Variants in CXCR2 observed in about 807,000 individuals in gnomAD.
CXCR2 encodes C-X-C motif chemokine receptor 2, also known as C-X-C chemokine receptor type 2.
CXCR2 carries 2 observed loss-of-function variants against 3.7 expected under a neutral mutation model. The observed-to-expected ratio is 0.55, with a 90% CI of 0.22 to 1.72. The LOEUF (loss-of-function observed/expected upper bound fraction) is 1.72, where lower values mean the gene tolerates loss of function less well. Ranked by LOEUF, CXCR2 falls within the 40% of genes most tolerant of loss-of-function variation. CXCR2 has a pLI of 0.19. For missense variants in CXCR2, 351 were observed against 450.1 expected, an observed-to-expected ratio of 0.78 and a Z score of 1.99; for synonymous variants, 203 against 193.3, an observed-to-expected ratio of 1.05 and a Z score of -0.41.
chr2:218,129,784 G>A (rs1690599396), intron 2 of CXCR2, among the ~76,000 whole-genome samples: 1 of 152,194 alleles, frequency 6.6e-6, no homozygotes, highest in Admixed American at 6.5e-5. Flanking sequence ...CTCTTTTGTT[G>A]TTAAAAAGAT....
chr2:218,126,851 G>A (rs967912005), intron 1 of CXCR2, among the ~76,000 whole-genome samples: 5 of 150,868 alleles, frequency 3.3e-5, no homozygotes, highest in Admixed American at 6.6e-5. Flanking sequence ...TTTTGTTTTT[G>A]TTTTTGTAAA....
At chr2:218,128,227 T>C (rs1690555790) in intron 1 of CXCR2, among the ~76,000 whole-genome samples, 1 of 152,244 alleles carries the variant, frequency 6.6e-6, no homozygotes, top group Non-Finnish European at 1.5e-5. Context: ...AATAAGCCTC[T>C]ATCTGGTTTT....
At chr2:218,128,401 CT>C (rs1224901414) in intron 1 of CXCR2, among the ~76,000 whole-genome samples, 9 of 152,128 alleles carry the variant, frequency 5.9e-5, no homozygotes, top group Admixed American at 3.9e-4. Flanking sequence ...CCTCTGGGCC[CT>C]GGGATGCATG....
chr2:218,133,715 G>A (rs1166235335), intron 2 of CXCR2, among the ~76,000 whole-genome samples: 1 of 152,224 alleles, frequency 6.6e-6, no homozygotes, highest in Non-Finnish European at 1.5e-5. Flanking sequence ...AGAGGAACAG[G>A]GGAGTCAAGG....
intron 2 of CXCR2, among the ~76,000 whole-genome samples, chr2:218,132,839 T>A (rs1049347624): frequency 6.6e-6 from 1 of 152,220 alleles, no homozygotes; most frequent in African/African-American, 2.4e-5. Context: ...TTTTTGGCCT[T>A]AATGATGAAT....
chr2:218,136,517 G>A lies in CXCR2; in HGVS notation c.*633G>A, dbSNP rs1237707164. 1 of 167,108 alleles carries A rather than the reference G, an allele frequency of 6.0e-6. No homozygotes were observed. Among genetic ancestry groups the A allele is most frequent in the Non-Finnish European group, 1.5e-5 (1 of 68,144 alleles). 10.4% of individuals were successfully genotyped at this position (167,108 alleles called of 1,614,324 possible). On this transcript the variant is annotated 3_prime_UTR_variant, in exon 3 of 3. Transcript: ENST00000318507. ...AATGGTGTGACCACTGCAGAAGACA[G>A]TATGGCAGCTTTCCTCAAAACTTCA...
At position 218,135,873 on chromosome 2, in the gene CXCR2, A is replaced by G. The variant is rs761905800; in HGVS notation, c.1072A>G (p.Thr358Ala). 5 of 1,610,034 alleles carry G rather than the reference A, an allele frequency of 3.1e-6. No homozygotes were observed. The South Asian group carries it at 4.4e-5, about 14-fold the overall frequency. The change falls in exon 3 of 3, where the codon ACT becomes GCT. Residue 358 changes from threonine (T) to alanine (A), a missense_variant. By Grantham distance (58) the Thr-to-Ala change is moderately conservative. Coordinates refer to ENST00000318507, the MANE Select transcript of CXCR2 (RefSeq NM_001557.4). This position sits in a 1 kb window ranked among gnomAD's most constrained non-coding sequence, Gnocchi z 4.0. ...TGGCTCTTCTTCAGGGCACACTTCC[A>G]CTACTCTCTAAGACCTCCTGCCTAA... ...FVGSSSGHTS[T>A]TL
chr2:218,134,382 A>G (rs1056422814), intron 2 of CXCR2, among the ~76,000 whole-genome samples: 6 of 152,182 alleles, frequency 3.9e-5, no homozygotes, highest in African/African-American at 1.4e-4. Context: ...CAAAAAAAAA[A>G]GAACTGAGTG....
chr2:218,135,374 T>C lies in CXCR2; in HGVS notation c.573T>C (p.Asn191=), dbSNP rs757932890. The part of the protein sequence containing the change: ...LLFRRTVYSS[N]VSPACYEDMG... ...TCCGAAGGACCGTCTACTCATCCAATGTTAGCCCAGCCTGCTATGAGGACA... is the reference window on the plus strand; with the variant it reads ...TCCGAAGGACCGTCTACTCATCCAACGTTAGCCCAGCCTGCTATGAGGACA... Residue 191 remains asparagine, a synonymous_variant, in exon 3 of 3, where the codon AAT becomes AAC. Coordinates refer to ENST00000318507, the MANE Select transcript of CXCR2 (RefSeq NM_001557.4). The surrounding 1 kb of genome is among the most constrained non-coding windows in gnomAD (Gnocchi z 4.0). 2.5e-6 allele frequency: 4 copies of C among 1,614,074 alleles called. No individual in the cohort carries two copies. Among genetic ancestry groups the C allele is most frequent in the East Asian group, 4.5e-5 (2 of 44,894 alleles).
rs1181718991 is a variant in CXCR2 at position 218,135,605 on chromosome 2, C to T, written c.804C>T (p.Asn268=). 3.1e-6 allele frequency: 5 copies of T among 1,614,048 alleles called. No homozygotes were observed. The highest frequency in any genetic ancestry group is 4.2e-6 in the Non-Finnish European group (5 of 1,180,042). ...TCCTGCTCTGCTGGCTGCCCTACAACCTGGTCCTGCTGGCAGACACCCTCA... is the reference window on the plus strand; with the variant it reads ...TCCTGCTCTGCTGGCTGCCCTACAATCTGGTCCTGCTGGCAGACACCCTCA... ...LIFLLCWLPY[N]LVLLADTLMR... Residue 268 remains asparagine, a synonymous_variant, in exon 3 of 3, where the codon AAC becomes AAT. Transcript: ENST00000318507. The surrounding 1 kb of genome is among the most constrained non-coding windows in gnomAD (Gnocchi z 4.0).
chr2:218,130,824 C>T (rs968952001), intron 2 of CXCR2: 4 of 152,390 alleles, frequency 2.6e-5, no homozygotes, highest in Non-Finnish European at 4.4e-5. Context: ...CCTCTCCCTA[C>T]CCTAGGAGCT....
chr2:218,134,655 A>AG (rs1178854475), intron 2 of CXCR2, 122 bp from the exon 3 acceptor site: 1 of 920,522 alleles, frequency 1.1e-6, no homozygotes, highest in East Asian at 2.6e-5. Context: ...ACAAATTTGA[A>AG]GGGAAAAATT....
At chr2:218,132,050 G>A (rs1690659793) in intron 2 of CXCR2, among the ~76,000 whole-genome samples, 1 of 151,914 alleles carries the variant, frequency 6.6e-6, no homozygotes, top group Admixed American at 6.6e-5. Context: ...TGGGACTTTT[G>A]TTGTTATTTT....
chr2:218,128,964 G>C (rs1253935298), intron 1 of CXCR2, among the ~76,000 whole-genome samples: 1 of 152,228 alleles, frequency 6.6e-6, no homozygotes, highest in South Asian at 2.1e-4. Context: ...GCCTGAGGCA[G>C]CTGGAATGCC....
At chr2:218,128,260 TTGCA>T (rs1690556622) in intron 1 of CXCR2, among the ~76,000 whole-genome samples, 1 of 152,204 alleles carries the variant, frequency 6.6e-6, no homozygotes, top group Admixed American at 6.5e-5. Flanking sequence ...CCAGGTGGCA[TTGCA>T]TTCTTCCCCA....
At chr2:218,128,593 A>G (rs1415868190) in intron 1 of CXCR2, among the ~76,000 whole-genome samples, 1 of 152,232 alleles carries the variant, frequency 6.6e-6, no homozygotes, top group Non-Finnish European at 1.5e-5. Context: ...TTAAAAATGC[A>G]TTTGGACTTT....
intron 1 of CXCR2, among the ~76,000 whole-genome samples, chr2:218,126,695 C>A (rs2106097168): frequency 6.6e-6 from 1 of 152,106 alleles, no homozygotes; most frequent in East Asian, 1.9e-4. Flanking sequence ...AATGCCCAGG[C>A]TGGAGTGCTG....
Position 218,136,044 on chromosome 2 carries a change from C to A in CXCR2, c.*160C>A. The A allele has an allele frequency of 1.0e-6, 1 of 983,200 alleles. No homozygotes were observed. The highest frequency in any genetic ancestry group is 1.5e-6 in the Non-Finnish European group (1 of 659,320). The allele number at this position is 983,200 out of a possible 1,614,324, so 60.9% of individuals were successfully genotyped here. On this transcript the variant is annotated 3_prime_UTR_variant, in exon 3 of 3. Coordinates refer to ENST00000318507, the MANE Select transcript of CXCR2 (RefSeq NM_001557.4). ...GCCACGTTCTTACTAGTTTCCCTTG[C>A]ATGGTTTAGAAAGCTTGCCCTGGTG... is the stretch of plus-strand genomic sequence containing the variant.
At position 218,137,149 on chromosome 2, in the gene CXCR2, C is replaced by T. The variant is rs199647047; in HGVS notation, c.*1265C>T. 5 of 166,866 alleles carry T rather than the reference C, an allele frequency of 3.0e-5. No individual in the cohort carries two copies. Among genetic ancestry groups the T allele is most frequent in the Non-Finnish European group, 7.3e-5 (5 of 68,066 alleles). 10.3% of individuals were successfully genotyped at this position (166,866 alleles called of 1,614,324 possible). On this transcript the variant is annotated 3_prime_UTR_variant, in exon 3 of 3. Transcript: ENST00000318507. ...GAGCCCCAAAAGGTATTTTAATCAC[C>T]AAGGCTGATTAAACCAAGGCTAGAA...
Sources: gnomAD v4.1 joint callset for allele counts (sites outside exome capture counted in the v4.1 genomes callset) on GRCh38, gnomAD v4.1.1 for gene constraint, Gnocchi (gnomAD v3.1) non-coding constraint, MANE v1.5 for transcripts, NCBI Gene and HGNC (gene_info 2026-07-23, HGNC 2026-07-21) for gene names.